The following PRKDC variants were observed in gnomAD, a reference collection of about 807,000 sequenced individuals.
PRKDC encodes the protein DNA-dependent protein kinase catalytic subunit.
PRKDC carries 82 observed loss-of-function variants against 486.9 expected under a neutral mutation model. The ratio of observed to expected loss-of-function variants is 0.17; its 90% CI spans 0.14 to 0.20. The LOEUF is 0.20. Ranked by LOEUF, PRKDC falls within the 10% of genes least tolerant of loss-of-function variation. PRKDC has a pLI of 1.00. For synonymous variants in PRKDC, 1,895 were observed against 1,837.0 expected, an observed-to-expected ratio of 1.03 and a Z score of -0.81; for missense variants, 4,504 against 5,038.2, an observed-to-expected ratio of 0.89 and a Z score of 3.21.
intron 43 of PRKDC, 98 bp downstream of exon 43, chr8:47,862,275 T>C (rs2088695484): frequency 1.4e-6 from 2 of 1,383,534 alleles, no homozygotes. Context: ...ACCACATCTT[T>C]AATATAAGAT....
In PRKDC at chr8:47,839,229, G is replaced by A. The variant is rs752306463; in HGVS notation, c.7472C>T (p.Thr2491Ile). ...AAATATTTCCTGGGAGTCATTATCT[G>A]TCTCACTTTCTGGATCTCTGCTTGA... ...HDNYRDPESE[T>I]DNDSQEIFKL... is the part of the protein sequence containing the mutation. Residue 2491 changes from threonine to isoleucine, a missense_variant, in exon 56 of 86, where the codon ACA becomes ATA. By Grantham distance (89) the Thr-to-Ile change is moderately conservative (BLOSUM62 -1). This residue lies in a region of PRKDC where 1,592 missense variants were observed against 1,724.6 expected (regional missense o/e 0.92). Transcript: ENST00000314191. The A allele has an allele frequency of 6.2e-7, 1 of 1,613,106 alleles. No individual in the cohort carries two copies. The highest frequency in any genetic ancestry group is 1.3e-5 in the African/African-American group (1 of 75,040).
chr8:47,934,860 T>C, intron 14 of PRKDC, 149 bp downstream of exon 14: 2 of 535,960 alleles, frequency 3.7e-6, no homozygotes, highest in South Asian at 3.2e-5. Flanking sequence ...ATAGAGGTAT[T>C]ATGTCCTACA....
At chr8:47,801,788 T>TC (rs1437579089) in intron 70 of PRKDC, among the ~76,000 whole-genome samples, 1 of 152,158 alleles carries the variant, frequency 6.6e-6, no homozygotes, top group African/African-American at 2.4e-5. Flanking sequence ...GTCTGCAGTG[T>TC]CCAGAGGTGC....
At chr8:47,948,089 A>T (rs982000077) in intron 7 of PRKDC, among the ~76,000 whole-genome samples, 12 of 147,170 alleles carry the variant, frequency 8.2e-5, no homozygotes, top group South Asian at 2.1e-4. Flanking sequence ...TCTCAAAAAA[A>T]ATATATTTGC....
chr8:47,824,585 C>T (rs535697283), intron 63 of PRKDC, among the ~76,000 whole-genome samples: 24 of 151,706 alleles, frequency 1.6e-4, no homozygotes, highest in African/African-American at 5.3e-4. Flanking sequence ...TATCTACAGG[C>T]GAACCATTTG....
chr8:47,891,143 A>C (rs1239670610), intron 31 of PRKDC, among the ~76,000 whole-genome samples: 1 of 152,154 alleles, frequency 6.6e-6, no homozygotes, highest in East Asian at 1.9e-4. Context: ...TGCTTAATGA[A>C]AGACAGACCC....
chr8:47,784,303 T>C (rs1468702340), intron 77 of PRKDC, among the ~76,000 whole-genome samples: 1 of 151,778 alleles, frequency 6.6e-6, no homozygotes, highest in African/African-American at 2.4e-5. Flanking sequence ...ATTATGGAAG[T>C]TAGCACTCTA....
intron 68 of PRKDC, among the ~76,000 whole-genome samples, chr8:47,810,955 G>A (rs1263398358): frequency 6.6e-6 from 1 of 152,122 alleles, no homozygotes; most frequent in African/African-American, 2.4e-5. Flanking sequence ...CAAAAGGCAC[G>A]ATGTATGTGT....
intron 10 of PRKDC, 167 bp from the exon 11 acceptor site, chr8:47,939,864 C>G (rs1346295516): frequency 2.0e-6 from 1 of 500,312 alleles, no homozygotes. Context: ...TAGTCTCTAT[C>G]AGGTTCAGAA....
intron 38 of PRKDC, among the ~76,000 whole-genome samples, chr8:47,880,104 C>T (rs1170410261): frequency 6.6e-6 from 1 of 152,130 alleles, no homozygotes; most frequent in African/African-American, 2.4e-5. Flanking sequence ...CTGCCTTGGC[C>T]TCCCAAAATG....
intron 64 of PRKDC, among the ~76,000 whole-genome samples, chr8:47,822,726 C>T (rs1472154801): frequency 2.0e-5 from 3 of 152,100 alleles, no homozygotes; most frequent in Non-Finnish European, 4.4e-5. Context: ...GAAGGCAGAG[C>T]TTGCAGTGAG....
intron 60 of PRKDC, 93 bp from the exon 61 acceptor site, chr8:47,830,829 C>T: frequency 6.6e-7 from 1 of 1,518,314 alleles, no homozygotes; most frequent in Non-Finnish European, 9.1e-7. Flanking sequence ...TCCCCTGAAC[C>T]ATGAGGGCGA....
intron 21 of PRKDC, among the ~76,000 whole-genome samples, chr8:47,925,117 C>T (rs2090136643): frequency 1.3e-5 from 2 of 152,216 alleles, no homozygotes; most frequent in African/African-American, 4.8e-5. Context: ...GGGACCTCCC[C>T]CTGCCCAGCA....
At chr8:47,844,563 C>A (rs2088222824) in intron 54 of PRKDC, among the ~76,000 whole-genome samples, 1 of 152,102 alleles carries the variant, frequency 6.6e-6, no homozygotes, top group Non-Finnish European at 1.5e-5. Context: ...CAGCATACTC[C>A]ACCTAATATA....
intron 73 of PRKDC, among the ~76,000 whole-genome samples, chr8:47,797,597 C>T (rs1362814813): frequency 1.3e-5 from 2 of 152,240 alleles, no homozygotes; most frequent in African/African-American, 4.8e-5. Context: ...AGTTACACGT[C>T]TATAAATGTC....
At chr8:47,837,466 G>T in intron 56 of PRKDC, 47 bp from the exon 57 acceptor site, 1 of 1,435,082 alleles carries the variant, frequency 7.0e-7, no homozygotes, top group Non-Finnish European at 9.7e-7. Flanking sequence ...AATGGCAAAT[G>T]GGAAAGAATG....
intron 64 of PRKDC, among the ~76,000 whole-genome samples, chr8:47,822,372 A>G (rs1009457811): frequency 2.0e-5 from 3 of 152,146 alleles, no homozygotes; most frequent in Non-Finnish European, 4.4e-5. Context: ...AATTACTAAG[A>G]CTGAAGACTT....
intron 3 of PRKDC, among the ~76,000 whole-genome samples, chr8:47,956,294 G>A (rs996546587): frequency 3.9e-5 from 6 of 152,066 alleles, no homozygotes; most frequent in South Asian, 2.1e-4. Flanking sequence ...CCCGGGAGAC[G>A]GAGGTTGCAG....
intron 7 of PRKDC, among the ~76,000 whole-genome samples, chr8:47,948,290 A>G (rs915198714): frequency 6.8e-6 from 1 of 146,158 alleles, no homozygotes; most frequent in African/African-American, 2.6e-5. Context: ...TTGTATTTTT[A>G]GTAGAGACGG....
Sources: allele counts gnomAD v4.1 joint callset (sites outside exome capture counted in the v4.1 genomes callset), GRCh38; gene constraint gnomAD v4.1.1; regional missense constraint gnomAD v4.1.1; transcripts MANE v1.5; gene names NCBI Gene and HGNC (gene_info 2026-07-23, HGNC 2026-07-21).